The following PIK3R5 variants were observed in gnomAD, a reference collection of about 807,000 sequenced individuals.
PIK3R5 encodes phosphoinositide-3-kinase regulatory subunit 5, also known as phosphoinositide 3-kinase regulatory subunit 5.
In PIK3R5, 32 loss-of-function variants were observed where a neutral mutation model predicts 94.9. That is an observed-to-expected ratio of 0.34 (90% CI 0.25 to 0.45). The LOEUF is 0.45. Among genes scored for constraint, PIK3R5 ranks in the 20% least tolerant of loss-of-function variants. The pLI, the probability that PIK3R5 is intolerant of heterozygous loss-of-function variation, is 1.00. For synonymous variants in PIK3R5, 443 were observed against 479.4 expected (o/e 0.92, Z 0.99); for missense variants, 853 against 1,144.6 (o/e 0.75, Z 3.68).
chr17:8,961,595 A>G (rs1027056678), intron 1 of PIK3R5, among the ~76,000 whole-genome samples: 3 of 152,154 alleles, frequency 2.0e-5, no homozygotes, highest in African/African-American at 4.8e-5. Context: ...AGATCACGGC[A>G]CTGCATTCCG....
chr17:8,918,270 T>C (rs960957892), intron 1 of PIK3R5, among the ~76,000 whole-genome samples: 2 of 152,154 alleles, frequency 1.3e-5, no homozygotes, highest in Non-Finnish European at 2.9e-5. Context: ...TGGCTGATCC[T>C]AGGATTGAAA....
chr17:8,963,797 G>A (rs1461640743), intron 1 of PIK3R5, among the ~76,000 whole-genome samples: 2 of 152,058 alleles, frequency 1.3e-5, no homozygotes, highest in East Asian at 1.9e-4. Context: ...CATCCCTCTC[G>A]TAAGCTAGAG....
chr17:8,948,892 G>A (rs555665014), intron 1 of PIK3R5, among the ~76,000 whole-genome samples: 2 of 152,210 alleles, frequency 1.3e-5, no homozygotes, highest in South Asian at 2.1e-4. Flanking sequence ...AAACTACCCA[G>A]TGGGTTAGGT....
At chr17:8,963,318 T>A (rs2151488525) in intron 1 of PIK3R5, among the ~76,000 whole-genome samples, 1 of 152,176 alleles carries the variant, frequency 6.6e-6, no homozygotes, top group Non-Finnish European at 1.5e-5. Flanking sequence ...AAGCTGGGGC[T>A]TCCAAACTCT....
At position 8,893,230 on chromosome 17, in the gene PIK3R5, C is replaced by T. The variant is rs143123557; in HGVS notation, c.482+356G>A. On this transcript the variant is annotated intron_variant, in intron 6 of 18. Transcript: ENST00000447110. This position sits in a 1 kb window ranked among gnomAD's most constrained non-coding sequence, Gnocchi z 5.1. ...TAAGCCTGAGGGTTAAATTCTGGCT[C>T]GTACCCTTGCTCGCTGTGTGACCTT... is the stretch of plus-strand genomic sequence containing the variant. 3.3e-5 allele frequency among the ~76,000 whole-genome samples: 5 copies of T among 152,254 alleles called. No homozygotes were observed. The highest frequency in any genetic ancestry group is 9.6e-5 in the African/African-American group (4 of 41,540).
chr17:8,940,575 T>C (rs2091160701), intron 1 of PIK3R5, among the ~76,000 whole-genome samples: 2 of 151,736 alleles, frequency 1.3e-5, no homozygotes, highest in Admixed American at 1.3e-4. Context: ...TTGTTTTTGT[T>C]TTTAGAGACA....
At chr17:8,919,251 T>C (rs2090685410) in intron 1 of PIK3R5, among the ~76,000 whole-genome samples, 1 of 152,234 alleles carries the variant, frequency 6.6e-6, no homozygotes, top group Non-Finnish European at 1.5e-5. Flanking sequence ...AACTGCACCA[T>C]GTTTATGTAA....
rs2090159426 is a variant in PIK3R5 at position 8,896,679 on chromosome 17, C to G, written c.413-3024G>C. Among the ~76,000 whole-genome samples the G allele has an allele frequency of 6.6e-6, 1 of 152,186 alleles. No homozygotes were observed. Among genetic ancestry groups the G allele is most frequent in the African/African-American group, 2.4e-5 (1 of 41,446 alleles). On this transcript the variant is annotated intron_variant, in intron 5 of 18. Transcript: ENST00000447110. This position sits in a 1 kb window ranked among gnomAD's most constrained non-coding sequence, Gnocchi z 4.0. The stretch of plus-strand genomic sequence containing the variant: ...AAATAGATGGGGATCCTGCACAGAA[C>G]AGCAGACTGTGAAGATCCAGGACAC...
intron 1 of PIK3R5, among the ~76,000 whole-genome samples, chr17:8,959,434 T>C (rs2091520849): frequency 6.6e-6 from 1 of 152,206 alleles, no homozygotes; most frequent in Non-Finnish European, 1.5e-5. Context: ...TGTGTGTGTG[T>C]GTGTGTGCAC....
chr17:8,959,339 T>G (rs2091518408), intron 1 of PIK3R5, among the ~76,000 whole-genome samples: 1 of 152,022 alleles, frequency 6.6e-6, no homozygotes, highest in Admixed American at 6.5e-5. Flanking sequence ...AGAACAGGAG[T>G]TATTAACCTG....
chr17:8,882,272 CTCCATGTTGTTAA>C lies in PIK3R5; in HGVS notation c.2206-404_2206-392del. 4.5e-6 allele frequency: 1 copy of C among 220,236 alleles called. No individual in the cohort carries two copies. Among genetic ancestry groups the C allele is most frequent in the Non-Finnish European group, 9.3e-6 (1 of 107,888 alleles). The allele number at this position is 220,236 out of a possible 1,614,324, so 13.6% of individuals were successfully genotyped here. On this transcript the variant is annotated intron_variant, in intron 15 of 18. Transcript: ENST00000447110. This position sits in a 1 kb window ranked among gnomAD's most constrained non-coding sequence, Gnocchi z 4.1. ...TGTGAATGTCTCTGTCATCAGGGAC[CTCCATGTTGTTAA>C]ACCGAAGAACACTTCTTGGTCCTCA... is the stretch of plus-strand genomic sequence containing the variant.
intron 1 of PIK3R5, among the ~76,000 whole-genome samples, chr17:8,931,603 C>G (rs1044863043): frequency 6.6e-6 from 1 of 152,248 alleles, no homozygotes; most frequent in South Asian, 2.1e-4. Flanking sequence ...GTTTGGAACT[C>G]TACAAATGGC....
intron 1 of PIK3R5, among the ~76,000 whole-genome samples, chr17:8,939,093 A>G (rs1270254423): frequency 6.6e-6 from 1 of 152,204 alleles, no homozygotes; most frequent in Non-Finnish European, 1.5e-5. Context: ...GCACTTTCAC[A>G]TGGGACAATC....
In PIK3R5 at chr17:8,888,232, C is replaced by T; in HGVS notation, c.1555G>A (p.Val519Ile). ...DEDPKASTLR[V>I]VVFGSDRISG... ...ATCCGATCGGAGCCAAAGACCACAA[C>T]ACGTAGCGTGGAAGCCTTGGGATCC... Residue 519 changes from valine to isoleucine, a missense_variant, in exon 10 of 19, where the codon GTT (valine) becomes ATT (isoleucine). Physicochemically the swap from Val to Ile is conservative, Grantham distance 29 (BLOSUM62 3). Around this residue, in one of 6 missense-constraint regions of PIK3R5, gnomAD observed 319 missense variants for 339.8 expected, o/e 0.94. Transcript: ENST00000447110. The surrounding 1 kb of genome is among the most constrained non-coding windows in gnomAD (Gnocchi z 7.8). The T allele has an allele frequency of 1.2e-6, 2 of 1,613,546 alleles. No homozygotes were observed. The highest frequency in any genetic ancestry group is 1.7e-6 in the Non-Finnish European group (2 of 1,179,958).
Position 8,904,654 on chromosome 17 carries a change from G to A in PIK3R5, c.412+123C>T, listed in dbSNP as rs576600080. Reference sequence around the variant, plus strand: ...GGAGACTCCATGTTTGTGAACCAAGGCGTTGGCAGAGATGAATCAAAGGAT... The same window carrying A: ...GGAGACTCCATGTTTGTGAACCAAGACGTTGGCAGAGATGAATCAAAGGAT... On this transcript the variant is annotated intron_variant, in intron 5 of 18. Coordinates refer to ENST00000447110, the MANE Select transcript of PIK3R5 (RefSeq NM_001142633.3). This position sits in a 1 kb window ranked among gnomAD's most constrained non-coding sequence, Gnocchi z 5.1. 275 of 904,622 alleles carry A rather than the reference G, an allele frequency of 3.0e-4. 2 individuals carry two copies. Among genetic ancestry groups the A allele is most frequent in the East Asian group, 2.7e-4 (11 of 40,998 alleles). 56.0% of individuals were successfully genotyped at this position (904,622 alleles called of 1,614,324 possible).
intron 1 of PIK3R5, among the ~76,000 whole-genome samples, chr17:8,927,691 C>T (rs2090912251): frequency 6.6e-6 from 1 of 152,178 alleles, no homozygotes; most frequent in South Asian, 2.1e-4. Flanking sequence ...CCTGTTAGAA[C>T]TTAGATATGT....
chr17:8,955,142 G>T lies in PIK3R5; in HGVS notation c.-14+10454C>A, dbSNP rs1034655096. Among the ~76,000 whole-genome samples, 5 of 152,116 alleles carry T rather than the reference G, an allele frequency of 3.3e-5. No homozygotes were observed. The highest frequency in any genetic ancestry group is 1.5e-5 in the Non-Finnish European group (1 of 68,014). On this transcript the variant is annotated intron_variant, in intron 1 of 18. Transcript: ENST00000447110. The surrounding 1 kb of genome is among the most constrained non-coding windows in gnomAD (Gnocchi z 4.4). Reference sequence around the variant, plus strand: ...AGTGATATGTCTGGAGGGTCCTTGAGGGGAGGATGACCGAACCCCACAGAG... The same window carrying T: ...AGTGATATGTCTGGAGGGTCCTTGATGGGAGGATGACCGAACCCCACAGAG...
At chr17:8,958,279 T>G (rs2091497117) in intron 1 of PIK3R5, among the ~76,000 whole-genome samples, 1 of 51,574 alleles carries the variant, frequency 1.9e-5, no homozygotes, top group Admixed American at 2.2e-4. Context: ...TGAGACTGTC[T>G]CAAAAAAAAA....
rs1354704293 is a variant in PIK3R5 at position 8,925,865 on chromosome 17, G to T, written c.-13-14358C>A. On this transcript the variant is annotated intron_variant, in intron 1 of 18. Transcript: ENST00000447110. This position sits in a 1 kb window ranked among gnomAD's most constrained non-coding sequence, Gnocchi z 5.1. ...GAGAAGTTTGGGGAGAGGACAATTTGGGAGAGGAAAACAAGAGTCCTGCTT... is the reference window on the plus strand; with the variant it reads ...GAGAAGTTTGGGGAGAGGACAATTTTGGAGAGGAAAACAAGAGTCCTGCTT... 6.6e-6 allele frequency among the ~76,000 whole-genome samples: 1 copy of T among 152,192 alleles called. No homozygotes were observed. The highest frequency in any genetic ancestry group is 1.5e-5 in the Non-Finnish European group (1 of 68,018).
Sources: allele counts gnomAD v4.1 joint callset (sites outside exome capture counted in the v4.1 genomes callset), GRCh38; gene constraint gnomAD v4.1.1; regional missense constraint gnomAD v4.1.1; non-coding constraint Gnocchi (gnomAD v3.1); transcripts MANE v1.5; gene names NCBI Gene and HGNC (gene_info 2026-07-23, HGNC 2026-07-21).